ATIC: variants seen among roughly 807,000 people sequenced by gnomAD.
ATIC encodes 5-aminoimidazole-4-carboxamide ribonucleotide formyltransferase/IMP cyclohydrolase.
ATIC carries 64 observed loss-of-function variants against 72.5 expected under a neutral mutation model. The observed-to-expected ratio is 0.88, with a 90% CI of 0.72 to 1.09. The LOEUF is 1.09. ATIC is among the 50% of genes least tolerant of loss of function. The pLI is 0.00. For synonymous variants in ATIC, 281 were observed against 267.1 expected, an observed-to-expected ratio of 1.05 and a Z score of -0.51; for missense variants, 787 against 732.4, an observed-to-expected ratio of 1.07 and a Z score of -0.86.
At chr2:215,335,256 T>C (rs1257023364) in intron 10 of ATIC, among the ~76,000 whole-genome samples, 2 of 152,206 alleles carry the variant, frequency 1.3e-5, no homozygotes, top group Non-Finnish European at 2.9e-5. Flanking sequence ...TTTTAAATTC[T>C]TTGTTGTCTT....
intron 7 of ATIC, among the ~76,000 whole-genome samples, chr2:215,329,185 T>C (rs745790255): frequency 6.6e-6 from 1 of 152,238 alleles, no homozygotes; most frequent in Non-Finnish European, 1.5e-5. Flanking sequence ...AACTGATTTG[T>C]CTGCTGTTAT....
In ATIC at chr2:215,349,695, T is replaced by A. The variant is rs1335887173; in HGVS notation, c.*40T>A. On this transcript the variant is annotated 3_prime_UTR_variant, in exon 16 of 16. Coordinates refer to ENST00000236959, the MANE Select transcript of ATIC (RefSeq NM_004044.7). The stretch of plus-strand genomic sequence containing the variant: ...GTTTTTTGGCTTGCTTATGTGTAGG[T>A]GAACAGTCACGCCTGAAACTTTGAG... The A allele has an allele frequency of 1.9e-6, 3 of 1,614,070 alleles. No homozygotes were observed. Among genetic ancestry groups the A allele is most frequent in the Non-Finnish European group, 2.5e-6 (3 of 1,179,962 alleles).
At chr2:215,344,323 A>G (rs2053049812) in intron 12 of ATIC, among the ~76,000 whole-genome samples, 1 of 152,212 alleles carries the variant, frequency 6.6e-6, no homozygotes, top group African/African-American at 2.4e-5. Context: ...GTGTAGGAGA[A>G]CAGTTAATTT....
At chr2:215,340,430 G>A (rs2053006816) in intron 12 of ATIC, among the ~76,000 whole-genome samples, 1 of 152,172 alleles carries the variant, frequency 6.6e-6, no homozygotes, top group Admixed American at 6.5e-5. Context: ...AAAGTAGGCT[G>A]TGCTTGTTGT....
chr2:215,350,930 A>G (rs2053125944), downstream of ATIC, among the ~76,000 whole-genome samples: 1 of 152,196 alleles, frequency 6.6e-6, no homozygotes, highest in Non-Finnish European at 1.5e-5. Context: ...TTTTTTCTTA[A>G]TGGTCATCTT....
intron 7 of ATIC, 41 bp from the exon 8 acceptor site, chr2:215,332,341 T>C (rs918425350): frequency 1.2e-6 from 2 of 1,613,544 alleles, no homozygotes; most frequent in Non-Finnish European, 1.7e-6. Flanking sequence ...CTGACCTTAC[T>C]GATCCTGCTT....
chr2:215,353,429 C>A (rs1326685719), downstream of ATIC, among the ~76,000 whole-genome samples: 1 of 152,156 alleles, frequency 6.6e-6, no homozygotes, highest in Non-Finnish European at 1.5e-5. Flanking sequence ...ACCAGACTTT[C>A]TAAGGTTTGT....
At chr2:215,364,055 TC>T in the ATIC span, among the ~76,000 whole-genome samples, 1 of 152,334 alleles carries the variant, frequency 6.6e-6, no homozygotes, top group African/African-American at 2.4e-5. Context: ...CTCAGCCAGT[TC>T]ATGCTTCTCT....
chr2:215,354,269 A>G (rs2053150951), downstream of ATIC, among the ~76,000 whole-genome samples: 1 of 151,846 alleles, frequency 6.6e-6, no homozygotes, highest in Non-Finnish European at 1.5e-5. Flanking sequence ...GCCTCAGGTG[A>G]TTTACCCGCC....
the ATIC span, among the ~76,000 whole-genome samples, chr2:215,359,270 C>G: frequency 6.6e-6 from 1 of 152,150 alleles, no homozygotes; most frequent in Non-Finnish European, 1.5e-5. Flanking sequence ...TAAAGCTGCT[C>G]TTTCCTTATG....
chr2:215,357,351 C>T, the ATIC span, among the ~76,000 whole-genome samples: 1 of 152,172 alleles, frequency 6.6e-6, no homozygotes, highest in East Asian at 1.9e-4. Flanking sequence ...AGCCCCAGTC[C>T]ATCATTCTGG....
intron 13 of ATIC, among the ~76,000 whole-genome samples, chr2:215,346,170 A>ATTTAT (rs891726625): frequency 6.6e-6 from 1 of 151,810 alleles, no homozygotes; most frequent in African/African-American, 2.4e-5. Context: ...TTATTTATTT[A>ATTTAT]TTTTTTATAG....
intron 11 of ATIC, 118 bp from the exon 12 acceptor site, chr2:215,338,661 A>G (rs2052982925): frequency 9.1e-7 from 1 of 1,096,994 alleles, no homozygotes; most frequent in African/African-American, 1.6e-5. Context: ...AGAAAACTGT[A>G]AAAAATTAGA....
intron 13 of ATIC, chr2:215,345,247 G>A: frequency 3.0e-6 from 1 of 328,496 alleles, no homozygotes; most frequent in African/African-American, 2.1e-5. Context: ...TATTTTTGCA[G>A]CCTGCAGGGT....
chr2:215,365,681 T>A, the ATIC span: 2 of 1,595,024 alleles, frequency 1.3e-6, no homozygotes, highest in Non-Finnish European at 1.7e-6. Flanking sequence ...ATATTCTGAC[T>A]CACAAGACAG....
chr2:215,367,834 G>A, the ATIC span: 2 of 1,612,148 alleles, frequency 1.2e-6, no homozygotes, highest in Non-Finnish European at 1.7e-6. Context: ...AGACAAACAC[G>A]GAAGTGGATG....
chr2:215,313,230 T>TG (rs1047155090), intron 2 of ATIC, among the ~76,000 whole-genome samples: 5 of 152,342 alleles, frequency 3.3e-5, no homozygotes, highest in African/African-American at 9.6e-5. Context: ...TTAACTTAGG[T>TG]GGGCCACTTG....
chr2:215,345,947 T>A (rs184889613), intron 13 of ATIC, among the ~76,000 whole-genome samples: 58 of 152,286 alleles, frequency 3.8e-4, no homozygotes, highest in Admixed American at 1.2e-3. Flanking sequence ...CCTGTGCATT[T>A]AAGTCCTTGT....
chr2:215,312,086 C>A lies in ATIC; in HGVS notation c.-57C>A, dbSNP rs2105983687. 6.5e-7 allele frequency: 1 copy of A among 1,529,680 alleles called. No individual in the cohort carries two copies. Among genetic ancestry groups the A allele is most frequent in the South Asian group, 1.2e-5 (1 of 83,218 alleles). The allele number at this position is 1,529,680 out of a possible 1,614,324, so 94.8% of individuals were successfully genotyped here. A position where few individuals can be genotyped will look rare whatever the true frequency, so the allele number is the denominator to read the frequency against. On this transcript the variant is annotated 5_prime_UTR_variant, in exon 1 of 16. Coordinates refer to ENST00000236959, the MANE Select transcript of ATIC (RefSeq NM_004044.7). Reference sequence around the variant, plus strand: ...CACATCCCGGCAGCCCTCCTACCTGCGCACGTGGTGCCGCCGCTGCTGCCT... The same window carrying A: ...CACATCCCGGCAGCCCTCCTACCTGAGCACGTGGTGCCGCCGCTGCTGCCT...
Sources: gnomAD v4.1 joint callset for allele counts (sites outside exome capture counted in the v4.1 genomes callset) on GRCh38, gnomAD v4.1.1 for gene constraint, MANE v1.5 for transcripts, NCBI Gene and HGNC (gene_info 2026-07-23, HGNC 2026-07-21) for gene names.